The following SLC35F1 variants were observed in gnomAD, a reference collection of about 807,000 sequenced individuals.
SLC35F1 encodes chromosome 6 open reading frame 169.
Under a neutral mutation model 48.7 loss-of-function variants are expected in SLC35F1, and 14 were observed. That is an observed-to-expected ratio of 0.29 (90% CI 0.19 to 0.45). The LOEUF is 0.45. Ranked by LOEUF, SLC35F1 falls within the 20% of genes least tolerant of loss-of-function variation. The probability of loss-of-function intolerance (pLI) is 1.00; values close to 1 mark genes in which losing one functional copy is unlikely to be tolerated. For synonymous variants in SLC35F1, 190 were observed against 202.2 expected, an observed-to-expected ratio of 0.94 and a Z score of 0.51; for missense variants, 404 against 500.0, an observed-to-expected ratio of 0.81 and a Z score of 1.83.
chr6:118,074,117 C>T (rs528767741), intron 1 of SLC35F1, among the ~76,000 whole-genome samples: 1 of 152,244 alleles, frequency 6.6e-6, no homozygotes, highest in South Asian at 2.1e-4. Context: ...AGAAACATTG[C>T]ATTAAAAGTT....
intron 1 of SLC35F1, among the ~76,000 whole-genome samples, chr6:118,021,555 T>A (rs1005342408): frequency 3.3e-5 from 5 of 152,196 alleles, no homozygotes; most frequent in African/African-American, 1.2e-4. Context: ...TGTGTTGTTC[T>A]CATCTATTCA....
Position 118,315,880 on chromosome 6 carries a change from A to G in SLC35F1, c.*1628A>G, listed in dbSNP as rs1240676116. 1 of 152,188 alleles carries G rather than the reference A, an allele frequency of 6.6e-6. No homozygotes were observed. The highest frequency in any genetic ancestry group is 1.5e-5 in the Non-Finnish European group (1 of 68,028). 9.4% of individuals were successfully genotyped at this position (152,188 alleles called of 1,614,324 possible). A position where few individuals can be genotyped will look rare whatever the true frequency, so the allele number is the denominator to read the frequency against. ...TTAAGAAACACCACAGACCTCTATT[A>G]TTTAGAATAGATTCTATGTGTCAGT... On this transcript the variant is annotated 3_prime_UTR_variant, in exon 8 of 8. Transcript: ENST00000360388.
intron 1 of SLC35F1, among the ~76,000 whole-genome samples, chr6:117,968,631 T>C (rs565221118): frequency 6.4e-4 from 98 of 152,322 alleles, no homozygotes; most frequent in African/African-American, 2.2e-3. Context: ...AGTTGTATAC[T>C]CAGAAGTGGT....
intron 3 of SLC35F1, among the ~76,000 whole-genome samples, chr6:118,235,978 T>C (rs1279578680): frequency 4.6e-5 from 7 of 152,184 alleles, no homozygotes; most frequent in Non-Finnish European, 8.8e-5. Context: ...ACTAATCTTA[T>C]GTTAGCAGGA....
chr6:118,235,834 A>G (rs1232713842), intron 3 of SLC35F1, among the ~76,000 whole-genome samples, 198 bp downstream of exon 3: 1 of 152,148 alleles, frequency 6.6e-6, no homozygotes, highest in Non-Finnish European at 1.5e-5. Context: ...ATAAAAATTA[A>G]CTTGAACTTT....
intron 1 of SLC35F1, among the ~76,000 whole-genome samples, chr6:118,015,718 A>T (rs923256016): frequency 8.5e-5 from 13 of 152,124 alleles, no homozygotes; most frequent in Admixed American, 8.5e-4. Flanking sequence ...TTTGACCACA[A>T]CCATCAAAGA....
chr6:118,069,645 G>A (rs1410257852), intron 1 of SLC35F1, among the ~76,000 whole-genome samples: 1 of 152,070 alleles, frequency 6.6e-6, no homozygotes, highest in Non-Finnish European at 1.5e-5. Context: ...CCTCATTGTT[G>A]GCTTCTCTAG....
chr6:117,914,246 ACTCT>A (rs981207974), intron 1 of SLC35F1, among the ~76,000 whole-genome samples: 2 of 150,408 alleles, frequency 1.3e-5, no homozygotes, highest in Admixed American at 6.7e-5. Flanking sequence ...TTACTATGTG[ACTCT>A]CTGAGGATTA....
chr6:117,951,418 A>G (rs754348739), intron 1 of SLC35F1, among the ~76,000 whole-genome samples: 1 of 152,200 alleles, frequency 6.6e-6, no homozygotes, highest in Non-Finnish European at 1.5e-5. Context: ...CTTAATAGAA[A>G]TTCAGCAGTG....
chr6:118,086,455 T>G (rs540732257), intron 1 of SLC35F1, among the ~76,000 whole-genome samples: 2 of 152,320 alleles, frequency 1.3e-5, no homozygotes, highest in East Asian at 3.9e-4. Context: ...TGTGCTCTCT[T>G]TTGTTATCCT....
chr6:118,262,413 G>A (rs1775724651), intron 3 of SLC35F1, among the ~76,000 whole-genome samples: 1 of 152,152 alleles, frequency 6.6e-6, no homozygotes, highest in Admixed American at 6.5e-5. Flanking sequence ...AAGAGGTAGG[G>A]AGAAAGAGGG....
Position 118,066,440 on chromosome 6 carries a change from A to C in SLC35F1, c.174-88005A>C, listed in dbSNP as rs894298690. Among the ~76,000 whole-genome samples the C allele has an allele frequency of 7.9e-5, 12 of 152,298 alleles. No individual in the cohort carries two copies. In the East Asian group the frequency reaches 2.1e-3, roughly 27 times the overall value. ...AAGCGTCAGTCTTCAGTTGTACACCACAAGAAATGAATTCTGCCAACAACC... is the reference window on the plus strand; with the variant it reads ...AAGCGTCAGTCTTCAGTTGTACACCCCAAGAAATGAATTCTGCCAACAACC... On this transcript the variant is annotated intron_variant, in intron 1 of 7. Coordinates refer to ENST00000360388, the MANE Select transcript of SLC35F1 (RefSeq NM_001029858.4).
At chr6:117,949,867 G>T (rs1048430361) in intron 1 of SLC35F1, among the ~76,000 whole-genome samples, 2 of 152,106 alleles carry the variant, frequency 1.3e-5, no homozygotes, top group Non-Finnish European at 2.9e-5. Flanking sequence ...TAACTGGGTT[G>T]GGGGGTGGTC....
chr6:118,135,921 T>C (rs746548789), intron 1 of SLC35F1, among the ~76,000 whole-genome samples: 1 of 152,194 alleles, frequency 6.6e-6, no homozygotes, highest in Non-Finnish European at 1.5e-5. Context: ...CAGCCTGGTA[T>C]TCTCTTTTGC....
chr6:118,185,038 C>A (rs1355015771), intron 2 of SLC35F1, among the ~76,000 whole-genome samples: 1 of 152,120 alleles, frequency 6.6e-6, no homozygotes, highest in African/African-American at 2.4e-5. Flanking sequence ...GCTCCTGATG[C>A]CACACTTGAA....
At chr6:118,283,979 G>A (rs1002226943) in intron 6 of SLC35F1, among the ~76,000 whole-genome samples, 2 of 152,156 alleles carry the variant, frequency 1.3e-5, no homozygotes, top group Non-Finnish European at 2.9e-5. Context: ...CTTCTACCAC[G>A]CTAGAGGGGG....
At chr6:118,136,246 C>G (rs1487465567) in intron 1 of SLC35F1, among the ~76,000 whole-genome samples, 3 of 152,200 alleles carry the variant, frequency 2.0e-5, no homozygotes, top group African/African-American at 7.2e-5. Flanking sequence ...TCAGAAGTCT[C>G]TCTACCCTTG....
chr6:118,095,747 A>G (rs192267776), intron 1 of SLC35F1, among the ~76,000 whole-genome samples: 12 of 152,294 alleles, frequency 7.9e-5, no homozygotes, highest in African/African-American at 2.9e-4. Context: ...GCCTGAAATT[A>G]TTGGTGATGG....
At chr6:118,219,578 C>T (rs1183624387) in intron 2 of SLC35F1, among the ~76,000 whole-genome samples, 1 of 152,060 alleles carries the variant, frequency 6.6e-6, no homozygotes, top group Non-Finnish European at 1.5e-5. Context: ...TGTAGACCCA[C>T]AACCATTGTG....
Sources: allele counts gnomAD v4.1 joint callset (sites outside exome capture counted in the v4.1 genomes callset), GRCh38; gene constraint gnomAD v4.1.1; transcripts MANE v1.5; gene names NCBI Gene and HGNC (gene_info 2026-07-23, HGNC 2026-07-21).